Variants in SGSM1 observed in about 807,000 individuals in gnomAD.
SGSM1 encodes RUN and TBC1 domain containing 2.
A neutral mutation model predicts 133.8 loss-of-function variants in SGSM1; 73 were observed. The ratio of observed to expected loss-of-function variants is 0.55; its 90% CI spans 0.45 to 0.66. SGSM1 has a LOEUF of 0.66. Ranked by LOEUF, SGSM1 falls within the 30% of genes least tolerant of loss-of-function variation. The pLI is 0.00. For missense variants in SGSM1, 1,213 were observed against 1,448.1 expected, an observed-to-expected ratio of 0.84 and a Z score of 2.64; for synonymous variants, 563 against 573.0, an observed-to-expected ratio of 0.98 and a Z score of 0.25.
At chr22:24,817,573 G>A (rs541300386) in intron 2 of SGSM1, among the ~76,000 whole-genome samples, 3 of 152,134 alleles carry the variant, frequency 2.0e-5, no homozygotes, top group South Asian at 2.1e-4. Flanking sequence ...GGCTTGTCTC[G>A]AACTACTGAC....
intron 12 of SGSM1, among the ~76,000 whole-genome samples, chr22:24,872,531 A>G (rs745694094): frequency 6.6e-6 from 1 of 152,194 alleles, no homozygotes; most frequent in Non-Finnish European, 1.5e-5. Context: ...ATTAGATGTT[A>G]AAATAGTAAC....
intron 13 of SGSM1, among the ~76,000 whole-genome samples, chr22:24,878,079 G>T (rs1273735042): frequency 3.3e-5 from 5 of 151,994 alleles, no homozygotes; most frequent in Admixed American, 1.3e-4. Context: ...CCAAAGTGCT[G>T]GGATTACAGG....
At chr22:24,818,472 A>G (rs1051072314) in intron 2 of SGSM1, among the ~76,000 whole-genome samples, 9 of 150,938 alleles carry the variant, frequency 6.0e-5, no homozygotes, top group African/African-American at 2.2e-4. Flanking sequence ...GGTTCAAGCG[A>G]TTCTCCTGCC....
chr22:24,858,208 G>C (rs1930920193), intron 8 of SGSM1, among the ~76,000 whole-genome samples: 1 of 152,160 alleles, frequency 6.6e-6, no homozygotes, highest in Non-Finnish European at 1.5e-5. Context: ...TAAAACTCCT[G>C]GGCTCAGGTA....
intron 24 of SGSM1, among the ~76,000 whole-genome samples, chr22:24,920,737 T>C (rs774068827): frequency 5.9e-5 from 9 of 152,264 alleles, no homozygotes; most frequent in Non-Finnish European, 1.0e-4. Context: ...GGGTTCTTAA[T>C]TTAAGTAAAC....
intron 4 of SGSM1, among the ~76,000 whole-genome samples, chr22:24,849,485 A>G (rs1033106082): frequency 6.6e-6 from 1 of 152,210 alleles, no homozygotes; most frequent in Non-Finnish European, 1.5e-5. Flanking sequence ...CCCAGGAGGC[A>G]GAGGTTGTGG....
At position 24,845,941 on chromosome 22, in the gene SGSM1, T is replaced by TTTTCTTTCTTTC. The variant is rs200470528; in HGVS notation, c.139+1028_139+1039dup. Among the ~76,000 whole-genome samples the TTTTCTTTCTTTC allele has an allele frequency of 4.4e-3, 513 of 115,694 alleles. 4 individuals are homozygous for TTTTCTTTCTTTC. The highest frequency in any genetic ancestry group is 6.1e-3 in the East Asian group (24 of 3,932). The allele number at this position is 115,694 out of a possible 152,430, so 75.9% of individuals were successfully genotyped here. On this transcript the variant is annotated intron_variant, in intron 3 of 24. Transcript: ENST00000400358. The stretch of plus-strand genomic sequence containing the variant: ...TGGGCAAGATCTTTCTTTTCTTTTC[T>TTTTCTTTCTTTC]TTTCTTTCTTTCTTTCTTTCTTTCT...
At chr22:24,850,497 G>C (rs1473695637) in intron 5 of SGSM1, 65 bp downstream of exon 5, 2 of 1,572,142 alleles carry the variant, frequency 1.3e-6, no homozygotes, top group Non-Finnish European at 1.7e-6. Flanking sequence ...TGTGGAAATT[G>C]CACCCCCTGG....
chr22:24,876,428 G>C (rs1456388645), intron 12 of SGSM1, 149 bp from the exon 13 acceptor site: 13 of 1,013,642 alleles, frequency 1.3e-5, no homozygotes, highest in Non-Finnish European at 2.9e-6. Flanking sequence ...GGATGATTAG[G>C]GCTGCTGTTT....
chr22:24,812,224 G>T (rs770617760), intron 2 of SGSM1, among the ~76,000 whole-genome samples: 1 of 151,916 alleles, frequency 6.6e-6, no homozygotes, highest in African/African-American at 2.4e-5. Flanking sequence ...TTTCCTACGT[G>T]TTTGCTGGGG....
At chr22:24,813,107 T>G (rs987083608) in intron 2 of SGSM1, among the ~76,000 whole-genome samples, 29 of 152,170 alleles carry the variant, frequency 1.9e-4, no homozygotes, top group African/African-American at 6.8e-4. Flanking sequence ...GGGAGCAGTG[T>G]CAACATCTAC....
intron 2 of SGSM1, among the ~76,000 whole-genome samples, chr22:24,808,339 T>C (rs1601877098): frequency 6.6e-6 from 1 of 152,016 alleles, no homozygotes; most frequent in South Asian, 2.1e-4. Context: ...ATGGTCTCGA[T>C]CTCCTGACCT....
Position 24,925,034 on chromosome 22 carries a change from C to G in SGSM1, c.*760C>G, listed in dbSNP as rs1397974084. ...CCCATTCTTTTGACGCTAAGCCACC[C>G]TGGTCCTGACGCCTCCCCTCACTTA... On this transcript the variant is annotated 3_prime_UTR_variant, in exon 25 of 25. Coordinates refer to ENST00000400358, the MANE Select transcript of SGSM1 (RefSeq NM_001098497.3). 2.6e-5 allele frequency: 4 copies of G among 152,320 alleles called. No individual in the cohort carries two copies. Among genetic ancestry groups the G allele is most frequent in the Non-Finnish European group, 5.9e-5 (4 of 68,146 alleles). 9.4% of individuals were successfully genotyped at this position (152,320 alleles called of 1,614,324 possible). A position where few individuals can be genotyped will look rare whatever the true frequency, so the allele number is the denominator to read the frequency against.
intron 22 of SGSM1, among the ~76,000 whole-genome samples, 158 bp downstream of exon 22, chr22:24,912,910 TCA>T (rs1227473612): frequency 6.6e-6 from 1 of 152,156 alleles, no homozygotes; most frequent in African/African-American, 2.4e-5. Flanking sequence ...TCTGTGGGCC[TCA>T]GTTTTCTTAT....
intron 16 of SGSM1, among the ~76,000 whole-genome samples, chr22:24,887,069 CATCTT>C (rs1932647356): frequency 6.6e-6 from 1 of 150,818 alleles, no homozygotes; most frequent in Non-Finnish European, 1.5e-5. Flanking sequence ...ATAATATACT[CATCTT>C]AATCAGACTT....
At chr22:24,863,792 A>G (rs1346780392) in intron 9 of SGSM1, among the ~76,000 whole-genome samples, 1 of 141,372 alleles carries the variant, frequency 7.1e-6, no homozygotes, top group African/African-American at 2.7e-5. Context: ...TCCAGGCTGG[A>G]GTGAAATGGC....
intron 20 of SGSM1, among the ~76,000 whole-genome samples, chr22:24,902,516 TA>T (rs889590572): frequency 1.6e-4 from 25 of 152,034 alleles, no homozygotes; most frequent in South Asian, 8.3e-4. Flanking sequence ...CACTACAAAA[TA>T]ATTTTTTTTA....
At chr22:24,840,398 C>G (rs1259239259) in intron 2 of SGSM1, among the ~76,000 whole-genome samples, 1 of 152,142 alleles carries the variant, frequency 6.6e-6, no homozygotes, top group African/African-American at 2.4e-5. Flanking sequence ...AGCTGAAGTG[C>G]AATAGTGCGT....
At chr22:24,870,864 G>T (rs1355282514) in intron 12 of SGSM1, among the ~76,000 whole-genome samples, 1 of 152,192 alleles carries the variant, frequency 6.6e-6, no homozygotes, top group African/African-American at 2.4e-5. Flanking sequence ...TTCCATGGGA[G>T]ATTAAGCACA....
Sources: gnomAD v4.1 joint callset for allele counts (sites outside exome capture counted in the v4.1 genomes callset) on GRCh38, gnomAD v4.1.1 for gene constraint, MANE v1.5 for transcripts, NCBI Gene and HGNC (gene_info 2026-07-23, HGNC 2026-07-21) for gene names.